The following ADAMTSL2 variants were observed in gnomAD, a reference collection of about 807,000 sequenced individuals.
ADAMTSL2 encodes ADAMTS-like protein 2.
Under a neutral mutation model 117.0 loss-of-function variants are expected in ADAMTSL2, and 55 were observed. The observed-to-expected ratio is 0.47, with a 90% CI of 0.38 to 0.59. The LOEUF is 0.59. Ranked by LOEUF, ADAMTSL2 falls within the 20% of genes least tolerant of loss-of-function variation. ADAMTSL2 has a pLI of 0.00. For missense variants in ADAMTSL2, 1,182 were observed against 1,354.5 expected (o/e 0.87, Z 2.00); for synonymous variants, 572 against 566.4 (o/e 1.01, Z -0.14).
intron 7 of ADAMTSL2, among the ~76,000 whole-genome samples, chr9:133,543,637 TCA>T (rs1830277748): frequency 1.3e-5 from 2 of 152,304 alleles, no homozygotes; most frequent in African/African-American, 4.8e-5. Context: ...CAGGAGACAC[TCA>T]CCCCAGCAGG....
At chr9:133,534,374 G>A (rs1433079096), upstream of ADAMTSL2, 1 of 204,170 alleles carries the variant, frequency 4.9e-6, no homozygotes, top group Non-Finnish European at 9.7e-6. Flanking sequence ...CGCTCTGGAG[G>A]CAGAAGCCGG....
At chr9:133,549,050 G>T (rs1343188620) in intron 9 of ADAMTSL2, among the ~76,000 whole-genome samples, 1 of 33,088 alleles carries the variant, frequency 3.0e-5, no homozygotes, top group African/African-American at 8.8e-5. Context: ...CGCCCAGGCT[G>T]GAGTGCAGTG....
chr9:133,560,840 G>A (rs1432993144), intron 11 of ADAMTSL2, among the ~76,000 whole-genome samples: 1 of 152,232 alleles, frequency 6.6e-6, no homozygotes, highest in Admixed American at 6.5e-5. Context: ...ACTAGCTGAT[G>A]TGAGAAGGTA....
chr9:133,556,895 C>T (rs955430933), intron 11 of ADAMTSL2, among the ~76,000 whole-genome samples: 23 of 152,192 alleles, frequency 1.5e-4, no homozygotes, highest in Non-Finnish European at 2.2e-4. Context: ...GGTGGCCACC[C>T]TTGCAGGTCC....
At chr9:133,565,443 A>C (rs1287716276) in intron 12 of ADAMTSL2, among the ~76,000 whole-genome samples, 3 of 152,224 alleles carry the variant, frequency 2.0e-5, no homozygotes, top group Non-Finnish European at 4.4e-5. Flanking sequence ...GATGGTCTGC[A>C]AGTCCCCAGC....
chr9:133,545,182 G>A (rs9330464), intron 8 of ADAMTSL2, among the ~76,000 whole-genome samples: 128,158 of 151,814 alleles, frequency 0.84, 54,888 homozygotes, highest in Non-Finnish European at 0.92. Flanking sequence ...TGGCCGAGCA[G>A]CGTGCCATGT....
At chr9:133,538,475 T>A in intron 4 of ADAMTSL2, 51 bp downstream of exon 4, 1 of 1,603,182 alleles carries the variant, frequency 6.2e-7, no homozygotes, top group Non-Finnish European at 8.5e-7. Flanking sequence ...CCTGTCATCA[T>A]GCAGTTTTCA....
intron 15 of ADAMTSL2, 28 bp downstream of exon 15, chr9:133,568,786 G>T (rs1363470857): frequency 6.2e-7 from 1 of 1,612,610 alleles, no homozygotes; most frequent in African/African-American, 1.3e-5. Flanking sequence ...GGGTGGCTGG[G>T]CGTGCGGCTG....
chr9:133,560,559 G>C (rs1374912143), intron 11 of ADAMTSL2, among the ~76,000 whole-genome samples: 2 of 152,244 alleles, frequency 1.3e-5, no homozygotes, highest in African/African-American at 4.8e-5. Context: ...ATAGGCTCCA[G>C]CCAAGAATCA....
At chr9:133,534,682 C>T (rs1830005290), upstream of ADAMTSL2, 3 of 1,350,808 alleles carry the variant, frequency 2.2e-6, no homozygotes, top group Non-Finnish European at 2.9e-6. Flanking sequence ...GCTATAAAGG[C>T]GGCCGCCGGC....
intron 17 of ADAMTSL2, among the ~76,000 whole-genome samples, chr9:133,571,966 G>T (rs1205879317): frequency 6.6e-6 from 1 of 152,202 alleles, no homozygotes; most frequent in South Asian, 2.1e-4. Context: ...CCTGGCGCCC[G>T]AGGGCTCCAA....
chr9:133,545,393 A>G (rs1830324499), intron 8 of ADAMTSL2, among the ~76,000 whole-genome samples: 1 of 152,138 alleles, frequency 6.6e-6, no homozygotes. Context: ...GGTGAAGCCC[A>G]TCTCCTAAGG....
intron 11 of ADAMTSL2, among the ~76,000 whole-genome samples, chr9:133,559,817 C>G (rs997599388): frequency 6.6e-6 from 1 of 152,200 alleles, no homozygotes; most frequent in East Asian, 1.9e-4. Flanking sequence ...CGCAGCCCTT[C>G]CTGGGCCTTG....
chr9:133,539,778 C>T lies in ADAMTSL2; in HGVS notation c.317C>T (p.Pro106Leu), dbSNP rs934348359. ...TGTCCCTTCGCTTCCCAGGAGTGTC[C>T]GCCGGACGGGAGGAGCTTCCGCGAG... ...RYQLCRVQEC[P>L]PDGRSFREEQ... The change falls in exon 5 of 19, where the codon CCG (proline) becomes CTG (leucine). Residue 106 changes from proline to leucine, a missense_variant. By Grantham distance (98) the Pro-to-Leu change is moderately conservative. Around this residue, in one of 3 missense-constraint regions of ADAMTSL2, gnomAD observed 372 missense variants for 463.4 expected, o/e 0.80. Coordinates refer to ENST00000651351, the MANE Select transcript of ADAMTSL2 (RefSeq NM_014694.4). The T allele has an allele frequency of 1.8e-5, 28 of 1,536,976 alleles. No individual in the cohort carries two copies. Among genetic ancestry groups the T allele is most frequent in the Non-Finnish European group, 2.3e-5 (26 of 1,140,516 alleles).
chr9:133,537,758 G>A (rs1331812365), intron 3 of ADAMTSL2, among the ~76,000 whole-genome samples: 4 of 152,216 alleles, frequency 2.6e-5, no homozygotes, highest in African/African-American at 4.8e-5. Flanking sequence ...CATGCTTCAG[G>A]GCACCAGGAA....
Position 133,540,476 on chromosome 9 carries a change from TCCAG to T in ADAMTSL2, c.413-121_413-118del, listed in dbSNP as rs1199362061. On this transcript the variant is annotated intron_variant, in intron 5 of 18. Transcript: ENST00000651351. ...AGACCTGGACAGGTTCCTTCTGTTC[TCCAG>T]GCCTGAGTTGCCCCATCTATGCAAT... The T allele has an allele frequency of 4.4e-6, 6 of 1,370,922 alleles. No homozygotes were observed. The African/African-American group carries it at 7.2e-5, about 16-fold the overall frequency. The allele number at this position is 1,370,922 out of a possible 1,614,324, so 84.9% of individuals were successfully genotyped here.
chr9:133,539,686 G>GTCCCGGCTGTCCCGGCTGA, intron 4 of ADAMTSL2, 85 bp from the exon 5 acceptor site: 1 of 1,305,780 alleles, frequency 7.7e-7, no homozygotes, highest in Non-Finnish European at 1.1e-6. Context: ...TGTCCCGGCT[G>GTCCCGGCTGTCCCGGCTGA]CAGCCACTTC....
At position 133,551,713 on chromosome 9, in the gene ADAMTSL2, G is replaced by T. The variant is rs182291140; in HGVS notation, c.940-2644G>T. On this transcript the variant is annotated intron_variant, in intron 9 of 18. Coordinates refer to ENST00000651351, the MANE Select transcript of ADAMTSL2 (RefSeq NM_014694.4). ...ACCACAGATATCTCTATTCCTATAGGATCTGCCAGGTCATACGGCCCATGT... is the reference window on the plus strand; with the variant it reads ...ACCACAGATATCTCTATTCCTATAGTATCTGCCAGGTCATACGGCCCATGT... Among the ~76,000 whole-genome samples, 23 of 151,786 alleles carry T rather than the reference G, an allele frequency of 1.5e-4. 2 individuals are homozygous for T. In the East Asian group the frequency reaches 4.5e-3, roughly 29 times the overall value.
At position 133,561,145 on chromosome 9, in the gene ADAMTSL2, G is replaced by A. The variant is rs1262363088; in HGVS notation, c.1650-53G>A. 201 of 1,483,432 alleles carry A rather than the reference G, an allele frequency of 1.4e-4. No individual in the cohort carries two copies. The East Asian group carries it at 4.0e-3, about 30-fold the overall frequency. 91.9% of individuals were successfully genotyped at this position (1,483,432 alleles called of 1,614,324 possible). A position where few individuals can be genotyped will look rare whatever the true frequency, so the allele number is the denominator to read the frequency against. On this transcript the variant is annotated intron_variant, in intron 11 of 18. Coordinates refer to ENST00000651351, the MANE Select transcript of ADAMTSL2 (RefSeq NM_014694.4). The stretch of plus-strand genomic sequence containing the variant: ...TCCCTCGCCTGAAAAGCCGGAGCCT[G>A]CCGGTGGGGCCTGGAGCGTCTCATC...
Sources: allele counts gnomAD v4.1 joint callset (sites outside exome capture counted in the v4.1 genomes callset), GRCh38; gene constraint gnomAD v4.1.1; regional missense constraint gnomAD v4.1.1; transcripts MANE v1.5; gene names NCBI Gene and HGNC (gene_info 2026-07-23, HGNC 2026-07-21).